TRPC1: variants seen among roughly 807,000 people sequenced by gnomAD.
The protein encoded by TRPC1 is short transient receptor potential channel 1.
TRPC1 carries 42 observed loss-of-function variants against 88.2 expected under a neutral mutation model. That is an observed-to-expected ratio of 0.48 (90% CI 0.37 to 0.62). The LOEUF is 0.62. Among genes scored for constraint, TRPC1 ranks in the 20% least tolerant of loss-of-function variants. The pLI, the probability that TRPC1 is intolerant of heterozygous loss-of-function variation, is 0.00. For synonymous variants in TRPC1, 288 were observed against 331.8 expected, an observed-to-expected ratio of 0.87 and a Z score of 1.43; for missense variants, 699 against 957.3, an observed-to-expected ratio of 0.73 and a Z score of 3.56.
In TRPC1 at chr3:142,724,429, C is replaced by G; in HGVS notation, c.-131C>G. 1.1e-6 allele frequency: 1 copy of G among 910,176 alleles called. No homozygotes were observed. The allele number at this position is 910,176 out of a possible 1,614,324, so 56.4% of individuals were successfully genotyped here. On this transcript the variant is annotated 5_prime_UTR_variant, in exon 1 of 13. Coordinates refer to ENST00000476941, the MANE Select transcript of TRPC1 (RefSeq NM_001251845.2). This position sits in a 1 kb window ranked among gnomAD's most constrained non-coding sequence, Gnocchi z 5.6. ...GCGACGCCCTTCGGGGCCAACGGGCCTCGAGCCGAGGCAGCAGTGGGAACG... is the reference window on the plus strand; with the variant it reads ...GCGACGCCCTTCGGGGCCAACGGGCGTCGAGCCGAGGCAGCAGTGGGAACG...
At chr3:142,801,905 A>G (rs781355302) in intron 9 of TRPC1, among the ~76,000 whole-genome samples, 10 of 152,134 alleles carry the variant, frequency 6.6e-5, no homozygotes, top group African/African-American at 1.2e-4. Flanking sequence ...CTCTATCTCC[A>G]TAACAACAAT....
chr3:142,746,618 A>T (rs898461510), intron 3 of TRPC1, among the ~76,000 whole-genome samples: 6 of 152,224 alleles, frequency 3.9e-5, no homozygotes, highest in Admixed American at 3.9e-4. Flanking sequence ...AAATTAAATT[A>T]CAATTTCATG....
chr3:142,798,127 A>C (rs1302952575), intron 9 of TRPC1, among the ~76,000 whole-genome samples: 1 of 152,038 alleles, frequency 6.6e-6, no homozygotes, highest in Non-Finnish European at 1.5e-5. Flanking sequence ...ATACTGATTA[A>C]ATTGATTGGG....
rs1338164886 is a variant in TRPC1 at position 142,807,242 on chromosome 3, T to TATC, written c.*1008_*1010dup. The TATC allele has an allele frequency of 3.9e-5, 6 of 152,340 alleles. No homozygotes were observed. The East Asian group carries it at 5.8e-4, about 15-fold the overall frequency. 9.4% of individuals were successfully genotyped at this position (152,340 alleles called of 1,614,324 possible). A position where few individuals can be genotyped will look rare whatever the true frequency, so the allele number is the denominator to read the frequency against. Reference sequence around the variant, plus strand: ...ATATTTGGACTAAGGTTCTTGAGCTTATCTCCCAAGGTACTTTCCATAATT... The same window carrying TATC: ...ATATTTGGACTAAGGTTCTTGAGCTTATCATCTCCCAAGGTACTTTCCATAATT... On this transcript the variant is annotated 3_prime_UTR_variant, in exon 13 of 13. Transcript: ENST00000476941.
In TRPC1 at chr3:142,807,138, A is replaced by G. The variant is rs568099435; in HGVS notation, c.*903A>G. ...TTTAGTTTTAAGATAGATAGGAGAC[A>G]CTTTTTTATCACATGTAGTCACAAC... On this transcript the variant is annotated 3_prime_UTR_variant, in exon 13 of 13. Transcript: ENST00000476941. The G allele has an allele frequency of 2.0e-5, 3 of 152,078 alleles. No individual in the cohort carries two copies. Among genetic ancestry groups the G allele is most frequent in the African/African-American group, 7.2e-5 (3 of 41,500 alleles). 9.4% of individuals were successfully genotyped at this position (152,078 alleles called of 1,614,324 possible).
chr3:142,737,511 A>C (rs1388126757), intron 2 of TRPC1, among the ~76,000 whole-genome samples: 3 of 152,152 alleles, frequency 2.0e-5, no homozygotes, highest in Non-Finnish European at 2.9e-5. Context: ...GCTGCCATGA[A>C]GTTTACAGAT....
rs749796867 is a variant in TRPC1 at position 142,806,124 on chromosome 3, T to C, written c.2271T>C (p.Thr757=). The change falls in exon 13 of 13, where the codon ACT becomes ACC. Residue 757 remains threonine (T), a synonymous_variant. Transcript: ENST00000476941. ...AGATGCAAAGTACAGATCAGGCAAC[T>C]GTGGAAAATCTAAACGAACTGCGCC... is the stretch of plus-strand genomic sequence containing the variant. ...RQKMQSTDQA[T]VENLNELRQD... is the part of the protein sequence containing the mutation. 5.0e-6 allele frequency: 8 copies of C among 1,613,934 alleles called. No individual in the cohort carries two copies. In the South Asian group the frequency reaches 7.7e-5, roughly 16 times the overall value.
At position 142,728,625 on chromosome 3, in the gene TRPC1, G is replaced by A. The variant is rs558176753; in HGVS notation, c.172+3894G>A. ...CGTGGGCCACCGTGCCTGGCCTGATGACTGACTTTCTCCATAAGCTTTGTG... is the reference window on the plus strand; with the variant it reads ...CGTGGGCCACCGTGCCTGGCCTGATAACTGACTTTCTCCATAAGCTTTGTG... On this transcript the variant is annotated intron_variant, in intron 1 of 12. Transcript: ENST00000476941. 3.3e-5 allele frequency among the ~76,000 whole-genome samples: 5 copies of A among 152,222 alleles called. No homozygotes were observed. The South Asian group carries it at 1.0e-3, about 32-fold the overall frequency.
At chr3:142,793,504 T>TA (rs1936359329) in intron 9 of TRPC1, among the ~76,000 whole-genome samples, 1 of 152,042 alleles carries the variant, frequency 6.6e-6, no homozygotes. Flanking sequence ...TATTTTATAA[T>TA]ACTTTATAGT....
In TRPC1 at chr3:142,724,047, A is replaced by G. The variant is rs573066379; in HGVS notation, c.-513A>G. ...CTCCCTAGTGTCGTCGCTACAGAGG[A>G]GCAGAGGATGACGTGAGGACAGAGT... On this transcript the variant is annotated 5_prime_UTR_variant, in exon 1 of 13. Coordinates refer to ENST00000476941, the MANE Select transcript of TRPC1 (RefSeq NM_001251845.2). This position sits in a 1 kb window ranked among gnomAD's most constrained non-coding sequence, Gnocchi z 5.6. 1 of 142,932 alleles carries G rather than the reference A, an allele frequency of 7.0e-6. No homozygotes were observed. Among genetic ancestry groups the G allele is most frequent in the East Asian group, 2.2e-4 (1 of 4,530 alleles). 8.9% of individuals were successfully genotyped at this position (142,932 alleles called of 1,614,324 possible).
chr3:142,735,624 A>G (rs1934103092), intron 1 of TRPC1, among the ~76,000 whole-genome samples: 1 of 152,158 alleles, frequency 6.6e-6, no homozygotes, highest in African/African-American at 2.4e-5. Context: ...ATTTCCTCAC[A>G]TGGGACAACT....
In TRPC1 at chr3:142,724,890, T is replaced by G. The variant is rs1056043491; in HGVS notation, c.172+159T>G. Reference sequence around the variant, plus strand: ...CAGGCGGTCTTCTCCTCACCGCCTCTGCCCTGTGAGTGTGGAGCTGGCGGG... The same window carrying G: ...CAGGCGGTCTTCTCCTCACCGCCTCGGCCCTGTGAGTGTGGAGCTGGCGGG... On this transcript the variant is annotated intron_variant, in intron 1 of 12. Coordinates refer to ENST00000476941, the MANE Select transcript of TRPC1 (RefSeq NM_001251845.2). The surrounding 1 kb of genome is among the most constrained non-coding windows in gnomAD (Gnocchi z 5.6). Among the ~76,000 whole-genome samples, 1 of 152,184 alleles carries G rather than the reference T, an allele frequency of 6.6e-6. No homozygotes were observed. Among genetic ancestry groups the G allele is most frequent in the African/African-American group, 2.4e-5 (1 of 41,452 alleles).
chr3:142,785,001 C>G lies in TRPC1; in HGVS notation c.1258C>G (p.Leu420Val). 1 of 1,612,586 alleles carries G rather than the reference C, an allele frequency of 6.2e-7. No individual in the cohort carries two copies. Among genetic ancestry groups the G allele is most frequent in the Non-Finnish European group, 8.5e-7 (1 of 1,179,532 alleles). ...TAAGAAAAACACAATGGGGCCAGCC[C>G]TTGAAAGAATAGACTATCTTCTTAT... The part of the protein sequence containing the change: ...EDKKNTMGPA[L>V]ERIDYLLILW... Residue 420 changes from leucine (L) to valine (V), a missense_variant, in exon 7 of 13, where the codon CTT becomes GTT. By Grantham distance (32) the Leu-to-Val change is conservative (BLOSUM62 1). This residue lies in a region of TRPC1 where 426 missense variants were observed against 641.3 expected (regional missense o/e 0.66). Transcript: ENST00000476941.
At chr3:142,777,855 C>T in intron 5 of TRPC1, 92 bp downstream of exon 5, 2 of 1,355,534 alleles carry the variant, frequency 1.5e-6, no homozygotes, top group African/African-American at 2.9e-5. Flanking sequence ...TATATATTTA[C>T]ATTTGATCCA....
chr3:142,792,338 A>G lies in TRPC1; in HGVS notation c.1438-486A>G, dbSNP rs1310794869. Among the ~76,000 whole-genome samples, 2 of 152,034 alleles carry G rather than the reference A, an allele frequency of 1.3e-5. No individual in the cohort carries two copies. Among genetic ancestry groups the G allele is most frequent in the Non-Finnish European group, 2.9e-5 (2 of 67,948 alleles). On this transcript the variant is annotated intron_variant, in intron 8 of 12. Coordinates refer to ENST00000476941, the MANE Select transcript of TRPC1 (RefSeq NM_001251845.2). The surrounding 1 kb of genome is among the most constrained non-coding windows in gnomAD (Gnocchi z 4.0). ...GACAACTGGTACAGCATCTTAAACT[A>G]TCCCAGGCAATGGGGACAATTGACC...
chr3:142,753,488 G>A (rs1159623440), intron 4 of TRPC1, among the ~76,000 whole-genome samples: 1 of 152,034 alleles, frequency 6.6e-6, no homozygotes, highest in African/African-American at 2.4e-5. Flanking sequence ...AAAAGAGACC[G>A]GGCGCGGTGG....
At chr3:142,740,484 TGA>T (rs1403333758) in intron 2 of TRPC1, among the ~76,000 whole-genome samples, 2 of 152,276 alleles carry the variant, frequency 1.3e-5, no homozygotes, top group South Asian at 2.1e-4. Context: ...ATCACCATTG[TGA>T]GAGTAGGTGA....
chr3:142,787,881 A>G (rs1004512859), intron 7 of TRPC1, among the ~76,000 whole-genome samples: 1 of 152,170 alleles, frequency 6.6e-6, no homozygotes, highest in Non-Finnish European at 1.5e-5. Context: ...AGATAAATAG[A>G]TGTCAACTGA....
chr3:142,746,586 A>C (rs1934563624), intron 3 of TRPC1, among the ~76,000 whole-genome samples: 1 of 152,216 alleles, frequency 6.6e-6, no homozygotes, highest in Non-Finnish European at 1.5e-5. Flanking sequence ...AGAAAATATT[A>C]AAACTTACCA....
Sources: gnomAD v4.1 joint callset for allele counts (sites outside exome capture counted in the v4.1 genomes callset) on GRCh38, gnomAD v4.1.1 for gene constraint, gnomAD v4.1.1 regional missense constraint, Gnocchi (gnomAD v3.1) non-coding constraint, MANE v1.5 for transcripts, NCBI Gene and HGNC (gene_info 2026-07-23, HGNC 2026-07-21) for gene names.